Variants in RALGPS1 observed in about 807,000 individuals in gnomAD.
RALGPS1 encodes Ral GEF with PH domain and SH3 binding motif 1, also known as ras-specific guanine nucleotide-releasing factor RalGPS1.
Under a neutral mutation model 78.8 loss-of-function variants are expected in RALGPS1, and 19 were observed. The observed-to-expected ratio is 0.24, with a 90% CI of 0.17 to 0.35. The LOEUF (loss-of-function observed/expected upper bound fraction) is 0.35, where lower values mean the gene tolerates loss of function less well. Among genes scored for constraint, RALGPS1 ranks in the 10% least tolerant of loss-of-function variants. The pLI, the probability that RALGPS1 is intolerant of heterozygous loss-of-function variation, is 1.00. For missense variants in RALGPS1, 454 were observed against 688.3 expected (o/e 0.66, Z 3.81); for synonymous variants, 228 against 256.3 (o/e 0.89, Z 1.06).
chr9:126,931,940 TAGA>T (rs2035827029), intron 1 of RALGPS1, among the ~76,000 whole-genome samples: 1 of 151,540 alleles, frequency 6.6e-6, no homozygotes, highest in Admixed American at 6.6e-5. Context: ...GTTGAGTTGA[TAGA>T]GGAGCAATGT....
At chr9:126,992,710 C>T (rs2042388147) in intron 4 of RALGPS1, among the ~76,000 whole-genome samples, 1 of 152,174 alleles carries the variant, frequency 6.6e-6, no homozygotes, top group African/African-American at 2.4e-5. Context: ...GTATGTAGGT[C>T]TTCTCTAATT....
chr9:127,163,027 T>C (rs2059107927), intron 8 of RALGPS1, among the ~76,000 whole-genome samples: 1 of 152,042 alleles, frequency 6.6e-6, no homozygotes. Flanking sequence ...AGGAGGGAAG[T>C]TTCTGTCTTG....
chr9:126,966,920 G>A (rs1238410686), intron 3 of RALGPS1, among the ~76,000 whole-genome samples: 1 of 152,096 alleles, frequency 6.6e-6, no homozygotes, highest in Non-Finnish European at 1.5e-5. Flanking sequence ...GACAGTAGAG[G>A]GAGAATATTG....
In RALGPS1 at chr9:127,220,315, T is replaced by C. The variant is rs2062739606; in HGVS notation, c.*1546T>C. Reference sequence around the variant, plus strand: ...CAACATCTACACCAGTAAAGTGTAATAGGTCAGTTTCAAAACGACCAAAAG... The same window carrying C: ...CAACATCTACACCAGTAAAGTGTAACAGGTCAGTTTCAAAACGACCAAAAG... On this transcript the variant is annotated 3_prime_UTR_variant, in exon 19 of 19. Coordinates refer to ENST00000259351, the MANE Select transcript of RALGPS1 (RefSeq NM_014636.3). The C allele has an allele frequency of 1.3e-5, 2 of 152,192 alleles. No individual in the cohort carries two copies. The highest frequency in any genetic ancestry group is 2.9e-5 in the Non-Finnish European group (2 of 68,034). 9.4% of individuals were successfully genotyped at this position (152,192 alleles called of 1,614,324 possible).
chr9:127,151,723 T>C (rs914048543), intron 8 of RALGPS1, among the ~76,000 whole-genome samples: 2 of 152,224 alleles, frequency 1.3e-5, no homozygotes, highest in African/African-American at 4.8e-5. Context: ...ATAGATTTCT[T>C]TCCTGGAACC....
At chr9:127,196,668 G>T (rs747803042) in intron 13 of RALGPS1, 37 bp downstream of exon 13, 7 of 1,541,874 alleles carry the variant, frequency 4.5e-6, no homozygotes, top group Non-Finnish European at 6.1e-6. Context: ...AGGCTGGTGG[G>T]CTGTAGGCCC....
intron 8 of RALGPS1, among the ~76,000 whole-genome samples, chr9:127,143,275 T>C (rs2057902184): frequency 6.6e-6 from 1 of 152,248 alleles, no homozygotes; most frequent in Admixed American, 6.5e-5. Context: ...TTGGAATCCC[T>C]GATGCTTTCC....
intron 10 of RALGPS1, among the ~76,000 whole-genome samples, chr9:127,173,195 T>C (rs959639225): frequency 6.6e-6 from 1 of 152,224 alleles, no homozygotes; most frequent in African/African-American, 2.4e-5. Context: ...TTCACCTCGT[T>C]GGGGAGCTGT....
At chr9:127,016,011 C>G (rs576177899) in intron 4 of RALGPS1, among the ~76,000 whole-genome samples, 21 of 151,142 alleles carry the variant, frequency 1.4e-4, no homozygotes, top group South Asian at 6.3e-4. Context: ...CTTTTTCCTT[C>G]TCTCTTCTCT....
intron 5 of RALGPS1, among the ~76,000 whole-genome samples, chr9:127,046,044 G>T (rs554891219): frequency 6.6e-6 from 1 of 152,256 alleles, no homozygotes; most frequent in Non-Finnish European, 1.5e-5. Flanking sequence ...ACAATACAGG[G>T]GTTGTGTCAA....
At chr9:126,973,402 A>G (rs2040308483) in intron 3 of RALGPS1, among the ~76,000 whole-genome samples, 2 of 152,224 alleles carry the variant, frequency 1.3e-5, no homozygotes, top group Admixed American at 6.5e-5. Context: ...AGGTAGGTAG[A>G]TAGCACTTAT....
chr9:127,214,642 GC>G, intron 17 of RALGPS1, 108 bp from the exon 18 acceptor site: 1 of 1,483,508 alleles, frequency 6.7e-7, no homozygotes, highest in Non-Finnish European at 8.9e-7. Flanking sequence ...CTCACCTGGG[GC>G]CGACCTTCCC....
rs534106754 is a variant in RALGPS1, at chr9:126,940,813, G to C, written c.-65-21412G>C. On this transcript the variant is annotated intron_variant, in intron 1 of 18. Transcript: ENST00000259351. Reference sequence around the variant, plus strand: ...GGTGGTGCTGCAGCACCAGGCACCAGACCCGAACCTGGGAACCGCTGTCTT... The same window carrying C: ...GGTGGTGCTGCAGCACCAGGCACCACACCCGAACCTGGGAACCGCTGTCTT... Among the ~76,000 whole-genome samples the C allele has an allele frequency of 2.0e-5, 3 of 152,288 alleles. No individual in the cohort carries two copies. In the East Asian group the frequency reaches 5.8e-4, roughly 29 times the overall value.
chr9:126,943,048 C>T (rs2036931866), intron 1 of RALGPS1, among the ~76,000 whole-genome samples: 1 of 152,090 alleles, frequency 6.6e-6, no homozygotes, highest in African/African-American at 2.4e-5. Flanking sequence ...CTCTCTAGTC[C>T]ACTTCCATTT....
rs2062747837 is a variant in RALGPS1, at chr9:127,220,605, A to C, written c.*1836A>C. On this transcript the variant is annotated 3_prime_UTR_variant, in exon 19 of 19. Coordinates refer to ENST00000259351, the MANE Select transcript of RALGPS1 (RefSeq NM_014636.3). ...ACCTCATTCTCCCGATGACTATTCA[A>C]ATCAGCATCTAGAGGCTGAATGACA... The C allele has an allele frequency of 6.6e-6, 1 of 152,234 alleles. No homozygotes were observed. Among genetic ancestry groups the C allele is most frequent in the Non-Finnish European group, 1.5e-5 (1 of 68,038 alleles). 9.4% of individuals were successfully genotyped at this position (152,234 alleles called of 1,614,324 possible). A position where few individuals can be genotyped will look rare whatever the true frequency, so the allele number is the denominator to read the frequency against.
At chr9:126,939,883 G>C (rs2036596337) in intron 1 of RALGPS1, among the ~76,000 whole-genome samples, 5 of 152,250 alleles carry the variant, frequency 3.3e-5, no homozygotes, top group Admixed American at 3.3e-4. Context: ...CCTGTTGGGT[G>C]GAGGGGAAGG....
intron 4 of RALGPS1, among the ~76,000 whole-genome samples, chr9:126,991,949 G>C (rs1204857991): frequency 6.6e-6 from 1 of 152,214 alleles, no homozygotes; most frequent in African/African-American, 2.4e-5. Context: ...CCAAGGGTAG[G>C]ACCTCATCTG....
chr9:126,987,087 C>T (rs1046921918), intron 4 of RALGPS1, among the ~76,000 whole-genome samples: 2 of 152,062 alleles, frequency 1.3e-5, no homozygotes, highest in African/African-American at 2.4e-5. Context: ...ATGCCTGTGC[C>T]GGAGCCAGTG....
chr9:127,075,386 G>A (rs907358576), intron 8 of RALGPS1, among the ~76,000 whole-genome samples: 20 of 152,206 alleles, frequency 1.3e-4, no homozygotes, highest in Non-Finnish European at 2.4e-4. Context: ...ATGGGGTGCC[G>A]TAGTTTGCTT....
Sources: allele counts gnomAD v4.1 joint callset (sites outside exome capture counted in the v4.1 genomes callset), GRCh38; gene constraint gnomAD v4.1.1; transcripts MANE v1.5; gene names NCBI Gene and HGNC (gene_info 2026-07-23, HGNC 2026-07-21).